C1orf174: variants seen among roughly 807,000 people sequenced by gnomAD.
C1orf174 encodes the protein chromosome 1 open reading frame 174, also known as UPF0688 protein C1orf174.
A neutral mutation model predicts 18.4 loss-of-function variants in C1orf174; 13 were observed. The ratio of observed to expected loss-of-function variants is 0.71; its 90% CI spans 0.46 to 1.12. The LOEUF is 1.12. Ranked by LOEUF, C1orf174 falls within the 50% of genes most tolerant of loss-of-function variation. The pLI is 0.00. For synonymous variants in C1orf174, 100 were observed against 118.3 expected (o/e 0.85, Z 1.01); for missense variants, 309 against 308.0 (o/e 1.00, Z -0.02).
chr1:3,897,524 A>G (rs1327790249), intron 1 of C1orf174, among the ~76,000 whole-genome samples: 1 of 152,170 alleles, frequency 6.6e-6, no homozygotes, highest in Admixed American at 6.5e-5. Context: ...CTGCAGAGAA[A>G]TGCTGGACAT....
At chr1:3,896,681 G>C (rs1050226104) in intron 1 of C1orf174, among the ~76,000 whole-genome samples, 2 of 152,246 alleles carry the variant, frequency 1.3e-5, no homozygotes, top group African/African-American at 4.8e-5. Context: ...GTTCGCAGAA[G>C]AGAACCAGAG....
chr1:3,898,707 T>G (rs951662756), intron 1 of C1orf174, among the ~76,000 whole-genome samples: 1 of 152,220 alleles, frequency 6.6e-6, no homozygotes. Flanking sequence ...TACCTCCTTC[T>G]CTTAATTTAA....
Position 3,892,890 on chromosome 1 carries a change from G to A in C1orf174, c.122C>T (p.Ala41Val). Residue 41 changes from alanine (A) to valine (V), a missense_variant, in exon 2 of 4, where the codon GCA becomes GTA. Transcript: ENST00000361605. ...CACGGTAACAGGGCTCACCAGACATGCTGTCTTGGCAGACGTGGAACCAGC... is the reference window on the plus strand; with the variant it reads ...CACGGTAACAGGGCTCACCAGACATACTGTCTTGGCAGACGTGGAACCAGC... ...EVAGSTSAKT[A>V]CLTSSSHKAT... The A allele has an allele frequency of 6.2e-7, 1 of 1,614,136 alleles. No individual in the cohort carries two copies. The highest frequency in any genetic ancestry group is 8.5e-7 in the Non-Finnish European group (1 of 1,180,006).
intron 1 of C1orf174, among the ~76,000 whole-genome samples, chr1:3,898,574 A>G (rs1284894149): frequency 6.6e-6 from 1 of 152,136 alleles, no homozygotes; most frequent in African/African-American, 2.4e-5. Flanking sequence ...TACAAGAAAC[A>G]CTAAAAGAAG....
At chr1:3,894,309 CAG>C (rs1218144411) in intron 1 of C1orf174, among the ~76,000 whole-genome samples, 1 of 152,022 alleles carries the variant, frequency 6.6e-6, no homozygotes, top group African/African-American at 2.4e-5. Flanking sequence ...AAATAAAACA[CAG>C]AAATAATCTG....
intron 1 of C1orf174, among the ~76,000 whole-genome samples, chr1:3,896,344 AT>A: frequency 6.6e-6 from 1 of 152,232 alleles, no homozygotes; most frequent in Non-Finnish European, 1.5e-5. Flanking sequence ...CTGGGGCCCC[AT>A]CAACCCCGTC....
In C1orf174 at chr1:3,889,704, A is replaced by G. The variant is rs924418439; in HGVS notation, c.*256T>C. The G allele has an allele frequency of 8.7e-6, 2 of 229,406 alleles. No individual in the cohort carries two copies. The highest frequency in any genetic ancestry group is 8.8e-5 in the East Asian group (1 of 11,356). The allele number at this position is 229,406 out of a possible 1,614,324, so 14.2% of individuals were successfully genotyped here. On this transcript the variant is annotated 3_prime_UTR_variant, in exon 4 of 4. Coordinates refer to ENST00000361605, the MANE Select transcript of C1orf174 (RefSeq NM_207356.3). ...GAGAGAAACTCTGTCTCCAAGGAAA[A>G]AAAAAAAAAAAAAAAAAGAAAGGAC...
chr1:3,899,912 T>C (rs916154268), intron 1 of C1orf174, among the ~76,000 whole-genome samples: 5 of 151,528 alleles, frequency 3.3e-5, no homozygotes, highest in African/African-American at 9.7e-5. Context: ...AGCCCCCTTC[T>C]CCCGGGGACG....
intron 1 of C1orf174, among the ~76,000 whole-genome samples, chr1:3,897,820 C>T (rs1195828656): frequency 5.3e-5 from 8 of 152,110 alleles, no homozygotes; most frequent in Non-Finnish European, 7.4e-5. Context: ...CCCGCCACCA[C>T]GCCCCGCTAA....
chr1:3,891,518 A>G (rs766237686), intron 2 of C1orf174: 261 of 910,348 alleles, frequency 2.9e-4, no homozygotes, highest in Non-Finnish European at 3.1e-4. Context: ...TGACTTCGAC[A>G]AAATTTTACC....
chr1:3,899,546 C>T (rs1184341808), intron 1 of C1orf174, among the ~76,000 whole-genome samples: 1 of 152,248 alleles, frequency 6.6e-6, no homozygotes, highest in Non-Finnish European at 1.5e-5. Context: ...TCCCTCATCA[C>T]CCCACTTTTA....
rs59405380 is a variant in C1orf174 at position 3,889,700 on chromosome 1, GAAAAA to G, written c.*255_*259del. ...ACAAGAGAGAAACTCTGTCTCCAAGGAAAAAAAAAAAAAAAAAAAAAGAAAGGACA... is the reference window on the plus strand; with the variant it reads ...ACAAGAGAGAAACTCTGTCTCCAAGGAAAAAAAAAAAAAAAAGAAAGGACA... On this transcript the variant is annotated 3_prime_UTR_variant, in exon 4 of 4. Transcript: ENST00000361605. 268 of 146,154 alleles carry G rather than the reference GAAAAA, an allele frequency of 1.8e-3. No homozygotes were observed. The highest frequency in any genetic ancestry group is 4.1e-3 in the South Asian group (38 of 9,176). 9.1% of individuals were successfully genotyped at this position (146,154 alleles called of 1,614,324 possible).
intron 1 of C1orf174, among the ~76,000 whole-genome samples, chr1:3,893,926 G>A (rs1638558463): frequency 6.6e-6 from 1 of 152,036 alleles, no homozygotes; most frequent in Non-Finnish European, 1.5e-5. Flanking sequence ...AATAGTACAG[G>A]GAGTTGCCAT....
At chr1:3,896,586 G>A (rs2124787203) in intron 1 of C1orf174, among the ~76,000 whole-genome samples, 1 of 152,360 alleles carries the variant, frequency 6.6e-6, no homozygotes, top group East Asian at 1.9e-4. Flanking sequence ...CGGCCTAAGG[G>A]AGCTGTTCAA....
In C1orf174 at chr1:3,890,121, G is replaced by A. The variant is rs185798978; in HGVS notation, c.619-48C>T. ...CTTCAGTCATGAGCAATACATATCT[G>A]CACCCGCATTTGCAATGTGCCCCAC... is the stretch of plus-strand genomic sequence containing the variant. On this transcript the variant is annotated intron_variant, in intron 3 of 3. Transcript: ENST00000361605. 217 of 1,459,374 alleles carry A rather than the reference G, an allele frequency of 1.5e-4. 1 individual carries two copies. The African/African-American group carries it at 2.8e-3, about 19-fold the overall frequency. 90.4% of individuals were successfully genotyped at this position (1,459,374 alleles called of 1,614,324 possible). A position where few individuals can be genotyped will look rare whatever the true frequency, so the allele number is the denominator to read the frequency against.
At chr1:3,898,809 TGCTG>T (rs370598804) in intron 1 of C1orf174, among the ~76,000 whole-genome samples, 6 of 152,326 alleles carry the variant, frequency 3.9e-5, no homozygotes, top group African/African-American at 1.4e-4. Context: ...AGCAAACCCC[TGCTG>T]GCTAAGGAAA....
At chr1:3,896,527 C>G (rs1638608385) in intron 1 of C1orf174, among the ~76,000 whole-genome samples, 1 of 152,244 alleles carries the variant, frequency 6.6e-6, no homozygotes. Flanking sequence ...ACAGCTCTTA[C>G]ACCTGCCCAA....
Position 3,892,952 on chromosome 1 carries a change from A to G in C1orf174, c.60T>C (p.Ser20=). The change falls in exon 2 of 4, where the codon AGT becomes AGC. Residue 20 remains serine, a synonymous_variant. Coordinates refer to ENST00000361605, the MANE Select transcript of C1orf174 (RefSeq NM_207356.3). ...VRSSARLKAR[S]CSAARLASAQ... ...CAGAGGCCAACCTGGCTGCCGAACA[A>G]CTTCGTGCTTTCAAGCGCGCTGAAG... The G allele has an allele frequency of 1.2e-6, 2 of 1,614,180 alleles. No homozygotes were observed. Among genetic ancestry groups the G allele is most frequent in the Non-Finnish European group, 1.7e-6 (2 of 1,180,026 alleles).
At chr1:3,895,855 TG>T (rs1187699773) in intron 1 of C1orf174, 2 of 152,264 alleles carry the variant, frequency 1.3e-5, no homozygotes, top group African/African-American at 4.8e-5. Flanking sequence ...AGCACAAACA[TG>T]GTTTCTCCAA....
Sources: allele counts gnomAD v4.1 joint callset (sites outside exome capture counted in the v4.1 genomes callset), GRCh38; gene constraint gnomAD v4.1.1; transcripts MANE v1.5; gene names NCBI Gene and HGNC (gene_info 2026-07-23, HGNC 2026-07-21).